The following ARHGAP26 variants were observed in gnomAD, a reference collection of about 807,000 sequenced individuals.
ARHGAP26 encodes the protein Rho GTPase activating protein 26, also known as rho GTPase-activating protein 26.
In ARHGAP26, 38 loss-of-function variants were observed where a neutral mutation model predicts 104.8. The observed-to-expected ratio is 0.36, with a 90% CI of 0.28 to 0.48. The LOEUF is 0.48. Among genes scored for constraint, ARHGAP26 ranks in the 20% least tolerant of loss-of-function variants. The probability of loss-of-function intolerance (pLI) is 0.99; values close to 1 mark genes in which losing one functional copy is unlikely to be tolerated. For missense variants in ARHGAP26, 704 were observed against 947.9 expected, an observed-to-expected ratio of 0.74 and a Z score of 3.38; for synonymous variants, 341 against 340.0, an observed-to-expected ratio of 1.00 and a Z score of -0.03.
chr5:143,184,070 G>A (rs1385668572), intron 20 of ARHGAP26, among the ~76,000 whole-genome samples: 3 of 152,174 alleles, frequency 2.0e-5, no homozygotes, highest in African/African-American at 7.2e-5. Context: ...GGGGGAAAGG[G>A]GTTAAGGGAA....
intron 10 of ARHGAP26, 58 bp from the exon 11 acceptor site, chr5:142,931,989 C>A: frequency 6.6e-7 from 1 of 1,512,932 alleles, no homozygotes; most frequent in Non-Finnish European, 9.2e-7. Context: ...GATTTGCCTT[C>A]ACCAATCTCT....
At chr5:143,094,831 AG>A (rs1669054136) in intron 17 of ARHGAP26, among the ~76,000 whole-genome samples, 1 of 152,174 alleles carries the variant, frequency 6.6e-6, no homozygotes, top group Admixed American at 6.5e-5. Context: ...AGAATGAGTC[AG>A]GGTGGAGCAG....
At chr5:143,014,374 C>A (rs899907522) in intron 12 of ARHGAP26, 3 of 547,986 alleles carry the variant, frequency 5.5e-6, no homozygotes, top group Non-Finnish European at 9.8e-6. Flanking sequence ...AAAGCATTCT[C>A]GTGTACATTA....
At chr5:143,031,474 A>G (rs896341002) in intron 12 of ARHGAP26, among the ~76,000 whole-genome samples, 7 of 152,300 alleles carry the variant, frequency 4.6e-5, no homozygotes, top group African/African-American at 9.6e-5. Flanking sequence ...AGAAGAGACA[A>G]TTGAGGGACT....
chr5:142,993,817 TTTTTCTTTTCTTTTC>T (rs143838874), intron 11 of ARHGAP26, among the ~76,000 whole-genome samples: 2 of 149,866 alleles, frequency 1.3e-5, no homozygotes, highest in Admixed American at 6.7e-5. Context: ...AGCTAATTTC[TTTTTCTTTTCTTTTC>T]TTTTCTTTTC....
intron 14 of ARHGAP26, among the ~76,000 whole-genome samples, chr5:143,046,912 A>G (rs1003712686): frequency 2.6e-5 from 4 of 152,196 alleles, no homozygotes; most frequent in Admixed American, 2.6e-4. Context: ...TTGTCATATG[A>G]CATCAAAATG....
intron 20 of ARHGAP26, among the ~76,000 whole-genome samples, chr5:143,157,262 C>T (rs1297376943): frequency 1.3e-5 from 2 of 151,670 alleles, no homozygotes; most frequent in African/African-American, 4.8e-5. Context: ...CTGCAACCTC[C>T]ACATCCTGGG....
At chr5:142,783,043 G>A (rs1757837267) in intron 1 of ARHGAP26, among the ~76,000 whole-genome samples, 1 of 152,140 alleles carries the variant, frequency 6.6e-6, no homozygotes, top group Non-Finnish European at 1.5e-5. Context: ...GATTTGCATG[G>A]TGGGAGTCCT....
intron 1 of ARHGAP26, among the ~76,000 whole-genome samples, chr5:142,815,126 A>G (rs1183861442): frequency 6.6e-6 from 1 of 151,988 alleles, no homozygotes; most frequent in Non-Finnish European, 1.5e-5. Context: ...TCAGCCTCCC[A>G]AGTAGCTGGG....
intron 17 of ARHGAP26, among the ~76,000 whole-genome samples, chr5:143,105,845 T>C (rs1211870507): frequency 6.6e-6 from 1 of 152,250 alleles, no homozygotes; most frequent in Non-Finnish European, 1.5e-5. Context: ...AACTCATTTC[T>C]TGAAGCCACT....
chr5:142,828,135 GC>G (rs1767663552), intron 1 of ARHGAP26, among the ~76,000 whole-genome samples: 1 of 152,150 alleles, frequency 6.6e-6, no homozygotes, highest in Admixed American at 6.5e-5. Flanking sequence ...TCCTTATCAG[GC>G]CCTCAACCTG....
chr5:143,228,968 G>A lies in ARHGAP26; in HGVS notation c.*6522G>A, dbSNP rs893971534. 4.4e-5 allele frequency: 8 copies of A among 183,762 alleles called. No homozygotes were observed. The highest frequency in any genetic ancestry group is 1.4e-4 in the African/African-American group (6 of 42,562). 11.4% of individuals were successfully genotyped at this position (183,762 alleles called of 1,614,324 possible). On this transcript the variant is annotated 3_prime_UTR_variant, in exon 23 of 23. Coordinates refer to ENST00000645722, the MANE Select transcript of ARHGAP26 (RefSeq NM_001135608.3). ...GACAATCCCTATGAAATGAGTGGAC[G>A]TATGATTTTTGAATTAAATGACTTT...
intron 6 of ARHGAP26, among the ~76,000 whole-genome samples, chr5:142,899,092 C>G (rs1759901922): frequency 6.6e-6 from 1 of 152,186 alleles, no homozygotes; most frequent in Admixed American, 6.5e-5. Context: ...CCTCACATGG[C>G]CATGCTTGTC....
chr5:143,195,571 A>G (rs1806698664), intron 20 of ARHGAP26, among the ~76,000 whole-genome samples: 1 of 152,172 alleles, frequency 6.6e-6, no homozygotes, highest in African/African-American at 2.4e-5. Context: ...CCCCTACCCC[A>G]GGTAAAAGGA....
At chr5:142,803,126 G>A (rs2151971023) in intron 1 of ARHGAP26, among the ~76,000 whole-genome samples, 1 of 152,206 alleles carries the variant, frequency 6.6e-6, no homozygotes, top group Middle Eastern at 3.4e-3. Flanking sequence ...TGAACTGAAA[G>A]TACATTGTGT....
rs372883132 is a variant in ARHGAP26, at chr5:143,128,704, T to C, written c.1699-5263T>C. On this transcript the variant is annotated intron_variant, in intron 18 of 22. Transcript: ENST00000645722. ...AGGAGTGAGCTGTGCTCAACTGTTG[T>C]AGGTCTACTTTCCTAATGCGTCAAA... 4.6e-5 allele frequency among the ~76,000 whole-genome samples: 7 copies of C among 152,340 alleles called. 1 individual carries two copies. In the South Asian group the frequency reaches 1.4e-3, roughly 32 times the overall value.
intron 10 of ARHGAP26, among the ~76,000 whole-genome samples, chr5:142,931,125 A>T (rs1260342025): frequency 6.6e-6 from 1 of 152,238 alleles, no homozygotes; most frequent in African/African-American, 2.4e-5. Flanking sequence ...TAACTTTTTG[A>T]GGGTTGCAGT....
At chr5:143,095,545 T>C (rs1423476904) in intron 17 of ARHGAP26, among the ~76,000 whole-genome samples, 1 of 152,242 alleles carries the variant, frequency 6.6e-6, no homozygotes, top group Non-Finnish European at 1.5e-5. Flanking sequence ...TTTTACATTT[T>C]TGTAAATCTC....
chr5:143,215,693 C>G (rs976300615), intron 22 of ARHGAP26, among the ~76,000 whole-genome samples: 2 of 152,228 alleles, frequency 1.3e-5, no homozygotes, highest in Non-Finnish European at 2.9e-5. Context: ...TTTGCCTGCT[C>G]CGGACATTTC....
Sources: gnomAD v4.1 joint callset for allele counts (sites outside exome capture counted in the v4.1 genomes callset) on GRCh38, gnomAD v4.1.1 for gene constraint, MANE v1.5 for transcripts, NCBI Gene and HGNC (gene_info 2026-07-23, HGNC 2026-07-21) for gene names.